Variants in ZNF718 observed in about 807,000 individuals in gnomAD.
The protein encoded by ZNF718 is zinc finger protein 718.
In ZNF718, 3 loss-of-function variants were observed where a neutral mutation model predicts 2.6. The ratio of observed to expected loss-of-function variants is 1.16; its 90% CI spans 0.53 to 3.01. The LOEUF (loss-of-function observed/expected upper bound fraction) is 3.01. Ranked by LOEUF, ZNF718 falls within the 30% of genes most tolerant of loss-of-function variation. The pLI, the probability that ZNF718 is intolerant of heterozygous loss-of-function variation, is 0.03. For missense variants in ZNF718, 468 were observed against 230.0 expected, an observed-to-expected ratio of 2.03 and a Z score of -6.69; for synonymous variants, 135 against 77.9, an observed-to-expected ratio of 1.73 and a Z score of -3.86.
chr4:190,320 C>T (rs782710930), intron 3 of ZNF718, among the ~76,000 whole-genome samples: 38 of 151,600 alleles, frequency 2.5e-4, no homozygotes, highest in Non-Finnish European at 4.6e-4. Flanking sequence ...GTCCCAGCTA[C>T]TCAGGAGGCT....
chr4:184,321 T>C (rs1300708844), intron 3 of ZNF718, among the ~76,000 whole-genome samples: 1 of 152,140 alleles, frequency 6.6e-6, no homozygotes, highest in Non-Finnish European at 1.5e-5. Flanking sequence ...TATCGATTTG[T>C]GTATGTTCAA....
At chr4:182,913 G>A (rs1415791415) in intron 3 of ZNF718, among the ~76,000 whole-genome samples, 1 of 152,172 alleles carries the variant, frequency 6.6e-6, no homozygotes, top group Admixed American at 6.5e-5. Flanking sequence ...ACCTTTGTCA[G>A]ATGCATAGAT....
At chr4:124,778 C>T (rs931556176) in intron 1 of ZNF718, 105 bp downstream of exon 1, 16 of 1,502,934 alleles carry the variant, frequency 1.1e-5, no homozygotes, top group African/African-American at 9.6e-5. Flanking sequence ...CCGCTCAGCC[C>T]TCTGTCCTCA....
intron 3 of ZNF718, among the ~76,000 whole-genome samples, chr4:196,111 C>A (rs191055183): frequency 6.6e-6 from 1 of 152,088 alleles, no homozygotes; most frequent in African/African-American, 2.4e-5. Flanking sequence ...TTGCCTTAGA[C>A]CCAGTTCCAG....
chr4:145,984 A>G (rs147679643), intron 3 of ZNF718, among the ~76,000 whole-genome samples: 3 of 151,850 alleles, frequency 2.0e-5, no homozygotes, highest in Non-Finnish European at 2.9e-5. Context: ...CCTGTTAACA[A>G]ATATACTGAA....
downstream of ZNF718, among the ~76,000 whole-genome samples, chr4:167,150 C>T (rs1717107807): frequency 6.6e-6 from 1 of 152,102 alleles, no homozygotes; most frequent in Admixed American, 6.5e-5. Context: ...TGTCAAAGAT[C>T]AGGTGGTTGT....
chr4:136,141 T>G (rs1031981794), intron 3 of ZNF718, among the ~76,000 whole-genome samples: 14 of 152,170 alleles, frequency 9.2e-5, no homozygotes, highest in African/African-American at 3.4e-4. Flanking sequence ...TTAATCTGTA[T>G]GGCAGGCAGT....
chr4:158,150 G>C (rs1371480026), intron 3 of ZNF718, among the ~76,000 whole-genome samples: 3 of 151,940 alleles, frequency 2.0e-5, no homozygotes, highest in African/African-American at 4.8e-5. Flanking sequence ...TTATGAAATA[G>C]GACAGTTTTT....
chr4:165,763 C>T (rs1717071299), downstream of ZNF718, among the ~76,000 whole-genome samples: 1 of 152,180 alleles, frequency 6.6e-6, no homozygotes, highest in Non-Finnish European at 1.5e-5. Context: ...GGCGTCACTG[C>T]ACTCCAGCCT....
rs530555705 is a variant in ZNF718, at chr4:198,183, C to T, written c.227-2898C>T. Among the ~76,000 whole-genome samples the T allele has an allele frequency of 6.2e-4, 94 of 152,076 alleles. 2 individuals carry two copies. In the South Asian group the frequency reaches 0.019, roughly 31 times the overall value. ...GGCTCATGAGAAACGTGCTAAGAGC[C>T]AGCAGAAAAAACCCAGCAGCACAAT... On this transcript the variant is annotated intron_variant and NMD_transcript_variant, in intron 3 of 4. Coordinates refer to the ZNF718 transcript ENST00000642529.
chr4:166,210 A>G (rs1249332648), downstream of ZNF718, among the ~76,000 whole-genome samples: 4 of 152,178 alleles, frequency 2.6e-5, no homozygotes, highest in Admixed American at 6.5e-5. Flanking sequence ...ATAGTATTCC[A>G]TGGTGTATAT....
intron 3 of ZNF718, among the ~76,000 whole-genome samples, chr4:160,675 A>T (rs1159783099): frequency 6.6e-6 from 1 of 152,058 alleles, no homozygotes; most frequent in Non-Finnish European, 1.5e-5. Flanking sequence ...TCAGCCTCCC[A>T]AGTAGCTGGG....
chr4:149,162 C>T (rs1158204225), intron 3 of ZNF718, among the ~76,000 whole-genome samples: 1 of 152,098 alleles, frequency 6.6e-6, no homozygotes, highest in African/African-American at 2.4e-5. Flanking sequence ...ATGTTCTATG[C>T]CAAATTATCT....
rs889017741 is a variant in ZNF718, at chr4:139,507, A to G, written c.226+8002A>G. 8.5e-5 allele frequency among the ~76,000 whole-genome samples: 13 copies of G among 152,298 alleles called. No individual in the cohort carries two copies. The East Asian group carries it at 2.5e-3, about 29-fold the overall frequency. On this transcript the variant is annotated intron_variant, in intron 3 of 3. Transcript: ENST00000510175. The stretch of plus-strand genomic sequence containing the variant: ...ACTTTATTTCATCCTCTCCATTTAC[A>G]TAGGGCATACTAGGGGGTATTTAAA...
intron 3 of ZNF718, among the ~76,000 whole-genome samples, chr4:155,615 A>G (rs1400535451): frequency 2.0e-5 from 3 of 152,156 alleles, no homozygotes; most frequent in South Asian, 2.1e-4. Flanking sequence ...TATTTACCCA[A>G]TGCCTGCACC....
At position 200,553 on chromosome 4, in the gene ZNF718, C is replaced by T. The variant is rs115427025; in HGVS notation, c.227-528C>T. Among the ~76,000 whole-genome samples, 683 of 152,314 alleles carry T rather than the reference C, an allele frequency of 4.5e-3. 5 individuals carry two copies. The highest frequency in any genetic ancestry group is 0.015 in the African/African-American group (627 of 41,570). On this transcript the variant is annotated intron_variant and NMD_transcript_variant, in intron 3 of 4. Coordinates refer to the ZNF718 transcript ENST00000642529. ...AAGTGCTGGCATTACAGGCATGAGTCACCGTGCCTGGCTGGTTTTTTGTTT... is the reference window on the plus strand; with the variant it reads ...AAGTGCTGGCATTACAGGCATGAGTTACCGTGCCTGGCTGGTTTTTTGTTT...
intron 3 of ZNF718, among the ~76,000 whole-genome samples, chr4:152,247 C>T (rs1228317759): frequency 6.9e-5 from 10 of 144,986 alleles, no homozygotes; most frequent in Admixed American, 1.4e-4. Context: ...ACTGCAAGAG[C>T]CATTCCTTCC....
rs367818955 is a variant in ZNF718, at chr4:143,015, A to T, written c.226+11510A>T. Among the ~76,000 whole-genome samples the T allele has an allele frequency of 9.2e-5, 14 of 152,300 alleles. No homozygotes were observed. In the East Asian group the frequency reaches 2.5e-3, roughly 27 times the overall value. On this transcript the variant is annotated intron_variant, in intron 3 of 3. Coordinates refer to ENST00000510175, the MANE Select transcript of ZNF718 (RefSeq NM_001039127.6). ...CATGCAGCCATCTCTAGGATGTCAT[A>T]TGGTCTCTCTTCAACTAGAATAACA...
intron 3 of ZNF718, among the ~76,000 whole-genome samples, chr4:175,059 A>AATCCTATATGAGAG (rs1173888833): frequency 2.0e-5 from 3 of 152,174 alleles, no homozygotes; most frequent in Non-Finnish European, 1.5e-5. Flanking sequence ...GTTTTATTGA[A>AATCCTATATGAGAG]ATCCTATATG....
Sources: gnomAD v4.1 joint callset for allele counts (sites outside exome capture counted in the v4.1 genomes callset) on GRCh38, gnomAD v4.1.1 for gene constraint, MANE v1.5 for transcripts, NCBI Gene and HGNC (gene_info 2026-07-23, HGNC 2026-07-21) for gene names.